ARID1B: variants seen among roughly 807,000 people sequenced by gnomAD.
The protein encoded by ARID1B is AT-rich interaction domain 1B.
Under a neutral mutation model 212.3 loss-of-function variants are expected in ARID1B, and 30 were observed. The ratio of observed to expected loss-of-function variants is 0.14; its 90% CI spans 0.11 to 0.19. ARID1B has a LOEUF of 0.19. Among genes scored for constraint, ARID1B ranks in the 10% least tolerant of loss-of-function variants. The probability of loss-of-function intolerance (pLI) is 1.00; values close to 1 mark genes in which losing one functional copy is unlikely to be tolerated. For synonymous variants in ARID1B, 1,402 were observed against 1,301.7 expected (o/e 1.08, Z -1.66); for missense variants, 2,891 against 3,204.0 (o/e 0.90, Z 2.36).
At chr6:157,063,047 A>G (rs996734607) in intron 4 of ARID1B, among the ~76,000 whole-genome samples, 1 of 152,134 alleles carries the variant, frequency 6.6e-6, no homozygotes, top group Non-Finnish European at 1.5e-5. Flanking sequence ...CAGAATGAGA[A>G]TGGATGGGTC....
chr6:156,821,361 C>T (rs1448596512), intron 1 of ARID1B, among the ~76,000 whole-genome samples: 3 of 152,124 alleles, frequency 2.0e-5, no homozygotes, highest in African/African-American at 7.2e-5. Context: ...CCCCACAATA[C>T]CTTTTGTGTT....
intron 18 of ARID1B, among the ~76,000 whole-genome samples, chr6:157,202,076 T>A (rs188385710): frequency 6.6e-6 from 1 of 152,286 alleles, no homozygotes; most frequent in Admixed American, 6.5e-5. Flanking sequence ...ATATGTAGAT[T>A]GATAGATGGT....
At chr6:156,840,002 G>A (rs1638488907) in intron 2 of ARID1B, among the ~76,000 whole-genome samples, 1 of 152,204 alleles carries the variant, frequency 6.6e-6, no homozygotes, top group South Asian at 2.1e-4. Flanking sequence ...AGAACTTTGT[G>A]GTTGTTAACT....
At position 157,190,773 on chromosome 6, in the gene ARID1B, T is replaced by C. The variant is rs913925947; in HGVS notation, c.4231+563T>C. Among the ~76,000 whole-genome samples, 7 of 151,992 alleles carry C rather than the reference T, an allele frequency of 4.6e-5. No homozygotes were observed. Among genetic ancestry groups the C allele is most frequent in the Non-Finnish European group, 8.8e-5 (6 of 67,988 alleles). On this transcript the variant is annotated intron_variant, in intron 15 of 19. Coordinates refer to ENST00000636930, the MANE Select transcript of ARID1B (RefSeq NM_001374828.1). The surrounding 1 kb of genome is among the most constrained non-coding windows in gnomAD (Gnocchi z 4.6). ...TTAAGCACAAATAAGCAGTTAAAGA[T>C]TGTGGTTGGTGGAAGACAGGAAAGT...
intron 4 of ARID1B, among the ~76,000 whole-genome samples, chr6:157,057,310 A>G (rs1035232881): frequency 4.6e-5 from 7 of 152,234 alleles, no homozygotes; most frequent in African/African-American, 1.7e-4. Flanking sequence ...TTAAATAATT[A>G]TATATTTTTC....
intron 15 of ARID1B, chr6:157,195,072 G>A (rs1793624642): frequency 6.6e-6 from 1 of 152,200 alleles, no homozygotes; most frequent in Non-Finnish European, 1.5e-5. Flanking sequence ...CCCAAGTAAG[G>A]AATGGATCTG....
chr6:157,126,256 T>A (rs1006323718), intron 6 of ARID1B, among the ~76,000 whole-genome samples: 3 of 152,132 alleles, frequency 2.0e-5, no homozygotes, highest in African/African-American at 7.2e-5. Flanking sequence ...TCAGGGTGAA[T>A]GATCTTGTAA....
In ARID1B at chr6:157,147,064, G is replaced by C. The variant is rs147970529; in HGVS notation, c.2762-1560G>C. On this transcript the variant is annotated intron_variant, in intron 7 of 19. Transcript: ENST00000636930. ...TCATTGGTGCAAAGCACTTAACCAA[G>C]TGCCCAGCACACACTGTGGTTCAGC... Among the ~76,000 whole-genome samples, 6 of 152,212 alleles carry C rather than the reference G, an allele frequency of 3.9e-5. No individual in the cohort carries two copies. In the East Asian group the frequency reaches 1.2e-3, roughly 29 times the overall value.
chr6:157,209,575 A>G lies in ARID1B; in HGVS notation c.*1684A>G, dbSNP rs760202896. Reference sequence around the variant, plus strand: ...TCTCAGAAGCTTAACTGGCCTGAAAATGTAACATTCTGCCTTTTACTAACT... The same window carrying G: ...TCTCAGAAGCTTAACTGGCCTGAAAGTGTAACATTCTGCCTTTTACTAACT... On this transcript the variant is annotated 3_prime_UTR_variant, in exon 20 of 20. Coordinates refer to ENST00000636930, the MANE Select transcript of ARID1B (RefSeq NM_001374828.1). 1.3e-5 allele frequency: 3 copies of G among 233,118 alleles called. No homozygotes were observed. The highest frequency in any genetic ancestry group is 1.7e-5 in the Non-Finnish European group (2 of 118,028). The allele number at this position is 233,118 out of a possible 1,614,324, so 14.4% of individuals were successfully genotyped here.
chr6:157,174,748 T>TA (rs769830728), intron 10 of ARID1B, 99 bp from the exon 11 acceptor site: 12 of 401,794 alleles, frequency 3.0e-5, no homozygotes, highest in Non-Finnish European at 4.7e-5. Flanking sequence ...ATAATATATA[T>TA]AAAAAAATTA....
intron 1 of ARID1B, among the ~76,000 whole-genome samples, chr6:156,816,575 G>C (rs1781978401): frequency 6.6e-6 from 1 of 152,206 alleles, no homozygotes. Flanking sequence ...TGTTAAATAA[G>C]AGAGCTGTGG....
At chr6:157,192,450 T>C (rs556914524) in intron 15 of ARID1B, among the ~76,000 whole-genome samples, 1 of 152,208 alleles carries the variant, frequency 6.6e-6, no homozygotes, top group Middle Eastern at 3.2e-3. Context: ...GGTAGATATA[T>C]GCAGATACTT....
At chr6:156,968,122 G>C (rs1218972574) in intron 4 of ARID1B, among the ~76,000 whole-genome samples, 1 of 152,176 alleles carries the variant, frequency 6.6e-6, no homozygotes, top group African/African-American at 2.4e-5. Context: ...CTTTAACCAA[G>C]CATCTGTAAG....
At chr6:157,017,963 C>CAAAAA (rs112983063) in intron 4 of ARID1B, among the ~76,000 whole-genome samples, 153 of 97,252 alleles carry the variant, frequency 1.6e-3, no homozygotes, top group African/African-American at 4.0e-3. Flanking sequence ...ACCATCTCTA[C>CAAAAA]AAAAAAAAAA....
At chr6:156,872,174 T>G (rs1400649864) in intron 2 of ARID1B, among the ~76,000 whole-genome samples, 1 of 152,138 alleles carries the variant, frequency 6.6e-6, no homozygotes, top group Non-Finnish European at 1.5e-5. Context: ...TACAATTTCT[T>G]TTTTATTAAA....
intron 4 of ARID1B, among the ~76,000 whole-genome samples, chr6:157,003,322 T>C (rs1376202083): frequency 6.6e-6 from 1 of 152,228 alleles, no homozygotes; most frequent in Non-Finnish European, 1.5e-5. Flanking sequence ...GGTTGGGTAC[T>C]GCAGAGGGTG....
intron 4 of ARID1B, among the ~76,000 whole-genome samples, chr6:156,973,106 G>A (rs904797622): frequency 1.2e-4 from 18 of 152,164 alleles, no homozygotes; most frequent in South Asian, 8.3e-4. Context: ...ACTTTGTGCC[G>A]TGCAGTACAG....
intron 8 of ARID1B, among the ~76,000 whole-genome samples, chr6:157,158,060 A>G (rs1790686592): frequency 6.6e-6 from 1 of 152,232 alleles, no homozygotes; most frequent in South Asian, 2.1e-4. Flanking sequence ...ATGCACAGAC[A>G]GAAACCTGTA....
chr6:157,058,491 C>T (rs1372885973), intron 4 of ARID1B, among the ~76,000 whole-genome samples: 1 of 152,140 alleles, frequency 6.6e-6, no homozygotes, highest in Non-Finnish European at 1.5e-5. Flanking sequence ...TCTTGAACTC[C>T]TGACCTGAGG....
Sources: allele counts gnomAD v4.1 joint callset (sites outside exome capture counted in the v4.1 genomes callset), GRCh38; gene constraint gnomAD v4.1.1; non-coding constraint Gnocchi (gnomAD v3.1); transcripts MANE v1.5; gene names NCBI Gene and HGNC (gene_info 2026-07-23, HGNC 2026-07-21).